The following GNB3 variants were observed in gnomAD, a reference collection of about 807,000 sequenced individuals.
The protein encoded by GNB3 is guanine nucleotide-binding protein G(I)/G(S)/G(T) subunit beta-3.
A neutral mutation model predicts 41.2 loss-of-function variants in GNB3; 33 were observed. The observed-to-expected ratio is 0.80, with a 90% CI of 0.61 to 1.07. The LOEUF (loss-of-function observed/expected upper bound fraction) is 1.07. GNB3 is among the 50% of genes least tolerant of loss of function. The pLI, the probability that GNB3 is intolerant of heterozygous loss-of-function variation, is 0.00. For missense variants in GNB3, 409 were observed against 455.3 expected (o/e 0.90, Z 0.92); for synonymous variants, 172 against 173.4 (o/e 0.99, Z 0.06).
rs1461854133 is a variant in GNB3, at chr12:6,846,691, A to ACC, written c.917-100_917-99insCC. 7.7e-6 allele frequency: 5 copies of ACC among 646,440 alleles called. No homozygotes were observed. The African/African-American group carries it at 1.3e-4, about 16-fold the overall frequency. 40.0% of individuals were successfully genotyped at this position (646,440 alleles called of 1,614,324 possible). A position where few individuals can be genotyped will look rare whatever the true frequency, so the allele number is the denominator to read the frequency against. On this transcript the variant is annotated intron_variant, in intron 9 of 9. Coordinates refer to ENST00000229264, the MANE Select transcript of GNB3 (RefSeq NM_002075.4). ...CATATCCCCCCACACACCCACATAC[A>ACC]CACACACACCCACACACCCACACAT...
Position 6,843,411 on chromosome 12 carries a change from G to T in GNB3, c.316G>T (p.Ala106Ser), listed in dbSNP as rs147992054. The change falls in exon 6 of 10, where the codon GCC becomes TCC. Residue 106 changes from alanine to serine, a missense_variant. Physicochemically the swap from Ala to Ser is moderately conservative, Grantham distance 99 (BLOSUM62 1). Transcript: ENST00000229264. This position sits in a 1 kb window ranked among gnomAD's most constrained non-coding sequence, Gnocchi z 5.9. ...RSSWVMTCAY[A>S]PSGNFVACGG... is the part of the protein sequence containing the mutation. ...CTCCTGGGTCATGACCTGTGCCTAT[G>T]CCCCATCAGGGAACTTTGTGGCATG... The T allele has an allele frequency of 8.0e-5, 129 of 1,614,056 alleles. No individual in the cohort carries two copies. Among genetic ancestry groups the T allele is most frequent in the Non-Finnish European group, 1.1e-4 (125 of 1,180,032 alleles).
Position 6,841,571 on chromosome 12 carries a change from C to G in GNB3, c.58-15C>G. ...CACCTCGCCCTTGCTCCCCTGATGT[C>G]TGCTTTCCCTGCAGGATGCCAGGAA... On this transcript the variant is annotated splice_polypyrimidine_tract_variant and intron_variant, in intron 2 of 9. Transcript: ENST00000229264. 1 of 1,612,504 alleles carries G rather than the reference C, an allele frequency of 6.2e-7. No individual in the cohort carries two copies. Among genetic ancestry groups the G allele is most frequent in the Non-Finnish European group, 8.5e-7 (1 of 1,178,818 alleles).
Position 6,847,089 on chromosome 12 carries a change from C to T in GNB3, c.*191C>T. ...TCAGGGACACAGGGGCAAAGAACTG[C>T]CCCATCTCCTCCCATGGCCTTCCCT... On this transcript the variant is annotated 3_prime_UTR_variant, in exon 10 of 10. Transcript: ENST00000229264. The T allele has an allele frequency of 1.8e-6, 1 of 570,904 alleles. No individual in the cohort carries two copies. Among genetic ancestry groups the T allele is most frequent in the Non-Finnish European group, 3.2e-6 (1 of 317,088 alleles). The allele number at this position is 570,904 out of a possible 1,614,324, so 35.4% of individuals were successfully genotyped here.
chr12:6,843,312 G>C lies in GNB3; in HGVS notation c.268-51G>C. On this transcript the variant is annotated intron_variant, in intron 5 of 9. Transcript: ENST00000229264. The surrounding 1 kb of genome is among the most constrained non-coding windows in gnomAD (Gnocchi z 5.9). The stretch of plus-strand genomic sequence containing the variant: ...CGCCATGCCTACCCTCCTGTGCCCA[G>C]CTGGGAGCTTGGCTCCGGTCCCATC... 6.2e-7 allele frequency: 1 copy of C among 1,611,936 alleles called. No homozygotes were observed. The highest frequency in any genetic ancestry group is 8.5e-7 in the Non-Finnish European group (1 of 1,178,086).
rs1943613079 is a variant in GNB3, at chr12:6,843,378, C to G, written c.283C>G (p.Leu95Val). The G allele has an allele frequency of 6.2e-7, 1 of 1,614,064 alleles. No homozygotes were observed. The change falls in exon 6 of 10, where the codon CTG (leucine) becomes GTG (valine). Residue 95 changes from leucine to valine, a missense_variant. Physicochemically the swap from Leu to Val is conservative, Grantham distance 32. Transcript: ENST00000229264. This position sits in a 1 kb window ranked among gnomAD's most constrained non-coding sequence, Gnocchi z 5.9. The stretch of plus-strand genomic sequence containing the variant: ...CTCCCTGCAGGTGCACGCCATCCCA[C>G]TGCGCTCCTCCTGGGTCATGACCTG... ...YTTNKVHAIP[L>V]RSSWVMTCAY... is the part of the protein sequence containing the mutation.
Position 6,843,602 on chromosome 12 carries a change from C to T in GNB3, c.431-30C>T. 6.2e-7 allele frequency: 1 copy of T among 1,613,202 alleles called. No individual in the cohort carries two copies. The highest frequency in any genetic ancestry group is 1.1e-5 in the South Asian group (1 of 91,076). On this transcript the variant is annotated intron_variant, in intron 6 of 9. Coordinates refer to ENST00000229264, the MANE Select transcript of GNB3 (RefSeq NM_002075.4). The surrounding 1 kb of genome is among the most constrained non-coding windows in gnomAD (Gnocchi z 5.9). ...CTTCCAGTGGGCTGTGGCTCTGCAG[C>T]CAGGGCACTGTCCTTCTAACCGCCT...
rs1943574441 is a variant in GNB3 at position 6,841,566 on chromosome 12, G to A, written c.58-20G>A. 12 of 1,611,662 alleles carry A rather than the reference G, an allele frequency of 7.4e-6. No individual in the cohort carries two copies. The highest frequency in any genetic ancestry group is 1.1e-5 in the South Asian group (1 of 90,792). On this transcript the variant is annotated intron_variant, in intron 2 of 9. Transcript: ENST00000229264. ...ACCCCCACCTCGCCCTTGCTCCCCT[G>A]ATGTCTGCTTTCCCTGCAGGATGCC...
Position 6,846,830 on chromosome 12 carries a change from G to A in GNB3, c.955G>A (p.Gly319Arg). The A allele has an allele frequency of 6.2e-7, 1 of 1,602,036 alleles. No individual in the cohort carries two copies. The highest frequency in any genetic ancestry group is 8.5e-7 in the Non-Finnish European group (1 of 1,174,252). The part of the protein sequence containing the change: ...SGHDNRVSCL[G>R]VTADGMAVAT... ...CCACGATAACAGGGTGAGCTGCCTG[G>A]GAGTCACAGCTGACGGGATGGCTGT... Residue 319 changes from glycine (G) to arginine (R), a missense_variant, in exon 10 of 10, where the codon GGA becomes AGA. Gly to Arg is a moderately radical substitution (Grantham distance 125). Coordinates refer to ENST00000229264, the MANE Select transcript of GNB3 (RefSeq NM_002075.4).
At chr12:6,845,921 A>T in intron 9 of GNB3, 119 bp downstream of exon 9, 1 of 707,486 alleles carries the variant, frequency 1.4e-6, no homozygotes, top group Non-Finnish European at 2.5e-6. Context: ...GTCCCTTGTC[A>T]CTGGGTGACT....
intron 8 of GNB3, 113 bp downstream of exon 8, chr12:6,844,091 G>GTCTGTT: frequency 3.9e-6 from 1 of 258,254 alleles, no homozygotes; most frequent in Non-Finnish European, 6.4e-6. Context: ...CTTTCTTACT[G>GTCTGTT]TATTTTTTTT....
chr12:6,847,078 G>C lies in GNB3; in HGVS notation c.*180G>C, dbSNP rs1943721118. The C allele has an allele frequency of 3.4e-6, 2 of 580,016 alleles. No homozygotes were observed. The highest frequency in any genetic ancestry group is 6.2e-6 in the Non-Finnish European group (2 of 321,864). The allele number at this position is 580,016 out of a possible 1,614,324, so 35.9% of individuals were successfully genotyped here. A position where few individuals can be genotyped will look rare whatever the true frequency, so the allele number is the denominator to read the frequency against. The stretch of plus-strand genomic sequence containing the variant: ...GGGAGGCAGCATCAGGGACACAGGG[G>C]CAAAGAACTGCCCCATCTCCTCCCA... On this transcript the variant is annotated 3_prime_UTR_variant, in exon 10 of 10. Coordinates refer to ENST00000229264, the MANE Select transcript of GNB3 (RefSeq NM_002075.4).
chr12:6,841,142 G>A, intron 1 of GNB3, 109 bp downstream of exon 1: 2 of 686,526 alleles, frequency 2.9e-6, no homozygotes, highest in Admixed American at 2.4e-5. Context: ...GCCTAGCTGG[G>A]GAGAGGGTGC....
At chr12:6,846,112 C>G (rs779745787) in intron 9 of GNB3, 6 of 359,936 alleles carry the variant, frequency 1.7e-5, no homozygotes, top group Non-Finnish European at 3.1e-5. Flanking sequence ...CACTGAGAGG[C>G]AAGACAGCCT....
Position 6,845,593 on chromosome 12 carries a change from C to T in GNB3, c.707C>T (p.Pro236Leu). The T allele has an allele frequency of 6.2e-7, 1 of 1,609,784 alleles. No individual in the cohort carries two copies. The highest frequency in any genetic ancestry group is 1.3e-5 in the African/African-American group (1 of 75,006). The change falls in exon 9 of 10, where the codon CCC becomes CTC. Residue 236 changes from proline to leucine, a missense_variant. Physicochemically the swap from Pro to Leu is moderately conservative, Grantham distance 98. Transcript: ENST00000229264. ...TGCCACCCGTGCCCTCAGTTCTTCC[C>T]CAATGGAGAGGCCATCTGCACGGGC... ...ESDINAICFF[P>L]NGEAICTGSD...
At chr12:6,845,493 T>C in intron 8 of GNB3, 93 bp from the exon 9 acceptor site, 1 of 808,354 alleles carries the variant, frequency 1.2e-6, no homozygotes, top group Non-Finnish European at 2.0e-6. Flanking sequence ...AGCAGCGGCT[T>C]GCCCTGGAGC....
intron 9 of GNB3, 179 bp downstream of exon 9, chr12:6,845,981 C>T (rs994381043): frequency 2.2e-5 from 13 of 600,490 alleles, no homozygotes; most frequent in Middle Eastern, 4.4e-4. Context: ...ACTGTTTTCC[C>T]TCAGTGTTGC....
chr12:6,841,584 A>G lies in GNB3; in HGVS notation c.58-2A>G. ...CTCCCCTGATGTCTGCTTTCCCTGC[A>G]GGATGCCAGGAAAGCCTGTGCTGAC... On this transcript the variant is annotated splice_acceptor_variant, in intron 2 of 9. Coordinates refer to ENST00000229264, the MANE Select transcript of GNB3 (RefSeq NM_002075.4). LOFTEE classifies it high-confidence loss of function. 1 of 1,613,362 alleles carries G rather than the reference A, an allele frequency of 6.2e-7. No individual in the cohort carries two copies. Among genetic ancestry groups the G allele is most frequent in the Non-Finnish European group, 8.5e-7 (1 of 1,179,462 alleles).
Position 6,841,341 on chromosome 12 carries a change from T to A in GNB3, c.54T>A (p.Ile18=). ...RQEAEQLKKQ[I]ADARKACADV... ...AAGCGGAGCAGCTCAAGAAGCAGAT[T>A]GCAGTAACTCCAGAGCCCTACCCCT... Residue 18 remains isoleucine (I), a synonymous_variant, in exon 2 of 10, where the codon ATT becomes ATA. Transcript: ENST00000229264. 6.2e-7 allele frequency: 1 copy of A among 1,613,162 alleles called. No homozygotes were observed. Among genetic ancestry groups the A allele is most frequent in the Non-Finnish European group, 8.5e-7 (1 of 1,179,512 alleles).
intron 2 of GNB3, 112 bp from the exon 3 acceptor site, chr12:6,841,474 G>A (rs782360979): frequency 2.8e-5 from 33 of 1,175,660 alleles, no homozygotes; most frequent in Admixed American, 4.0e-5. Flanking sequence ...AACTTGGTTC[G>A]CATATTTGAG....
Sources: allele counts gnomAD v4.1 joint callset, GRCh38; gene constraint gnomAD v4.1.1; non-coding constraint Gnocchi (gnomAD v3.1); transcripts MANE v1.5; gene names NCBI Gene and HGNC (gene_info 2026-07-23, HGNC 2026-07-21).